The following REDIC1 variants were observed in gnomAD, a reference collection of about 807,000 sequenced individuals.
The protein encoded by REDIC1 is regulator of DNA class I crossover intermediates 1.
the REDIC1 span, among the ~76,000 whole-genome samples, chr12:39,770,367 T>G: frequency 6.6e-6 from 1 of 152,064 alleles, no homozygotes; most frequent in Non-Finnish European, 1.5e-5. Context: ...CGAAATGACC[T>G]CTCCAGAAGG....
the REDIC1 span, among the ~76,000 whole-genome samples, chr12:39,906,670 A>G: frequency 6.6e-6 from 1 of 152,164 alleles, no homozygotes; most frequent in South Asian, 2.1e-4. Context: ...GGGTGGAGGC[A>G]GAAAATCTCA....
At chr12:39,697,697 A>C in the REDIC1 span, among the ~76,000 whole-genome samples, 1 of 152,202 alleles carries the variant, frequency 6.6e-6, no homozygotes, top group Admixed American at 6.5e-5. Context: ...GCTTAAAATC[A>C]TGAGTTCTAA....
chr12:39,834,109 C>G, the REDIC1 span, among the ~76,000 whole-genome samples: 1 of 151,976 alleles, frequency 6.6e-6, no homozygotes, highest in Non-Finnish European at 1.5e-5. Flanking sequence ...ATAGTTTTCC[C>G]TGGGTGCAAT....
At chr12:39,795,962 C>T in the REDIC1 span, among the ~76,000 whole-genome samples, 2 of 151,998 alleles carry the variant, frequency 1.3e-5, no homozygotes, top group African/African-American at 4.8e-5. Flanking sequence ...AGTTGTGTAG[C>T]CATCATCACT....
the REDIC1 span, among the ~76,000 whole-genome samples, chr12:39,861,871 T>A: frequency 6.6e-6 from 1 of 152,326 alleles, no homozygotes; most frequent in Admixed American, 6.5e-5. Context: ...AGGTGTTTTT[T>A]TTTAAATTTA....
chr12:39,808,173 T>G, the REDIC1 span, among the ~76,000 whole-genome samples: 1 of 152,280 alleles, frequency 6.6e-6, no homozygotes, highest in East Asian at 1.9e-4. Flanking sequence ...GGGTTTGCTC[T>G]TCTAGAATTT....
the REDIC1 span, among the ~76,000 whole-genome samples, chr12:39,668,758 T>TC: frequency 6.6e-6 from 1 of 152,200 alleles, no homozygotes; most frequent in Non-Finnish European, 1.5e-5. Context: ...TCATTTTTTT[T>TC]TGTTATTTTT....
chr12:39,639,090 C>G, the REDIC1 span, among the ~76,000 whole-genome samples: 1 of 151,970 alleles, frequency 6.6e-6, no homozygotes, highest in East Asian at 1.9e-4. Context: ...TTTGAAAAGT[C>G]ACTTTACTTT....
chr12:39,675,776 C>A, the REDIC1 span, among the ~76,000 whole-genome samples: 2 of 152,212 alleles, frequency 1.3e-5, no homozygotes, highest in Admixed American at 6.5e-5. Flanking sequence ...ATCACCTCAT[C>A]ACATCACAGG....
the REDIC1 span, among the ~76,000 whole-genome samples, chr12:39,837,623 T>C: frequency 6.8e-6 from 1 of 147,770 alleles, no homozygotes; most frequent in Non-Finnish European, 1.5e-5. Flanking sequence ...GAATCTACAA[T>C]GAACTCCAAC....
At chr12:39,672,229 G>T in the REDIC1 span, among the ~76,000 whole-genome samples, 4 of 152,162 alleles carry the variant, frequency 2.6e-5, no homozygotes, top group Admixed American at 2.6e-4. Flanking sequence ...GTGTGGAAGG[G>T]ATGGTGCCAG....
the REDIC1 span, among the ~76,000 whole-genome samples, chr12:39,695,127 G>A: frequency 6.6e-6 from 1 of 152,176 alleles, no homozygotes; most frequent in Non-Finnish European, 1.5e-5. Flanking sequence ...AGGGCCTTGG[G>A]TGAGACTCTG....
chr12:39,685,888 G>C, the REDIC1 span, among the ~76,000 whole-genome samples: 7 of 152,210 alleles, frequency 4.6e-5, no homozygotes, highest in African/African-American at 1.7e-4. Context: ...AAAGAAAGGG[G>C]CTACAGGCCC....
chr12:39,714,291 G>A, the REDIC1 span, among the ~76,000 whole-genome samples: 29,455 of 39,164 alleles, frequency 0.75, 11,706 homozygotes, highest in African/African-American at 0.85. Flanking sequence ...ATACGTATAT[G>A]CATGCATATA....
the REDIC1 span, among the ~76,000 whole-genome samples, chr12:39,695,322 C>G: frequency 2.6e-5 from 4 of 152,164 alleles, no homozygotes; most frequent in East Asian, 3.9e-4. Context: ...CAGGACTTGG[C>G]TCTTGGATGG....
At chr12:39,627,146 A>C in the REDIC1 span, among the ~76,000 whole-genome samples, 1 of 152,184 alleles carries the variant, frequency 6.6e-6, no homozygotes, top group African/African-American at 2.4e-5. Context: ...AATGCGTTTG[A>C]ATTCTAAAGA....
the REDIC1 span, among the ~76,000 whole-genome samples, chr12:39,719,888 G>A: frequency 8.6e-5 from 13 of 151,804 alleles, no homozygotes; most frequent in East Asian, 1.9e-4. Context: ...CTCTGTGTTC[G>A]GACCATTTTA....
At chr12:39,714,270 T>TATATACGTATATGCATGC in the REDIC1 span, among the ~76,000 whole-genome samples, 140 of 118,090 alleles carry the variant, frequency 1.2e-3, 39 homozygotes, top group Non-Finnish European at 2.2e-3. Context: ...TGCATATATG[T>TATATACGTATATGCATGC]ATATATGTAT....
the REDIC1 span, among the ~76,000 whole-genome samples, chr12:39,814,372 T>G: frequency 6.6e-6 from 1 of 152,128 alleles, no homozygotes; most frequent in Non-Finnish European, 1.5e-5. Flanking sequence ...TTTTTCCAAA[T>G]AGAGAGTAAA....
Sources: gnomAD v4.1 joint callset for allele counts (sites outside exome capture counted in the v4.1 genomes callset) on GRCh38, gnomAD v4.1.1 for gene constraint, MANE v1.5 for transcripts, NCBI Gene and HGNC (gene_info 2026-07-23, HGNC 2026-07-21) for gene names.